The following STYXL2 variants were observed in gnomAD, a reference collection of about 807,000 sequenced individuals.
The protein encoded by STYXL2 is serine/threonine/tyrosine-interacting-like protein 2.
A neutral mutation model predicts 52.4 loss-of-function variants in STYXL2; 44 were observed. The observed-to-expected ratio is 0.84, with a 90% CI of 0.66 to 1.08. The LOEUF is 1.08. Ranked by LOEUF, STYXL2 falls within the 50% of genes least tolerant of loss-of-function variation. The pLI, the probability that STYXL2 is intolerant of heterozygous loss-of-function variation, is 0.00. For missense variants in STYXL2, 1,604 were observed against 1,471.7 expected (o/e 1.09, Z -1.47); for synonymous variants, 604 against 586.9 (o/e 1.03, Z -0.42).
chr1:167,117,586 T>G (rs965697852), intron 4 of STYXL2, 27 bp downstream of exon 4: 2 of 1,556,394 alleles, frequency 1.3e-6, no homozygotes, highest in African/African-American at 2.7e-5. Flanking sequence ...TTCATGACCC[T>G]TTGTCCTAAC....
chr1:167,128,107 C>T lies in STYXL2; in HGVS notation c.2976C>T (p.Ser992=). ...KSQSEEQDTS[S]YHEANGNSVR... ...AGTCAGAGGAACAGGACACCTCCTC[C>T]TACCACGAGGCAAATGGCAACTCTG... The change falls in exon 6 of 6, where the codon TCC becomes TCT. Residue 992 remains serine, a synonymous_variant. Transcript: ENST00000361200. 1.2e-6 allele frequency: 2 copies of T among 1,614,224 alleles called. No homozygotes were observed. The highest frequency in any genetic ancestry group is 1.7e-5 in the Admixed American group (1 of 60,030).
At chr1:167,119,001 A>C (rs1199503483) in intron 4 of STYXL2, among the ~76,000 whole-genome samples, 1 of 152,210 alleles carries the variant, frequency 6.6e-6, no homozygotes, top group Non-Finnish European at 1.5e-5. Context: ...TTCCTTACAC[A>C]TCATTTTGTT....
At chr1:167,116,730 C>A (rs1363908371) in intron 3 of STYXL2, among the ~76,000 whole-genome samples, 1 of 142,596 alleles carries the variant, frequency 7.0e-6, no homozygotes, top group Non-Finnish European at 1.5e-5. Context: ...CAGCTCACTG[C>A]AACCTCCATT....
chr1:167,104,197 C>G (rs1378293078), intron 2 of STYXL2, among the ~76,000 whole-genome samples: 1 of 147,450 alleles, frequency 6.8e-6, no homozygotes, highest in East Asian at 2.2e-4. Flanking sequence ...TCCTTCTTAG[C>G]TATTATCATC....
chr1:167,106,405 T>C (rs1410732927), intron 2 of STYXL2, among the ~76,000 whole-genome samples: 1 of 152,132 alleles, frequency 6.6e-6, no homozygotes, highest in Non-Finnish European at 1.5e-5. Flanking sequence ...GTAGGAGAAA[T>C]GTGGTGCTGT....
At chr1:167,113,890 G>T in intron 3 of STYXL2, 86 bp downstream of exon 3, 1 of 1,031,060 alleles carries the variant, frequency 9.7e-7, no homozygotes, top group South Asian at 1.3e-5. Flanking sequence ...ACGTCAATGT[G>T]CCTCTCAGGT....
chr1:167,099,223 C>G lies in STYXL2; in HGVS notation c.110+4264C>G, dbSNP rs777831213. On this transcript the variant is annotated intron_variant, in intron 2 of 5. Transcript: ENST00000361200. The stretch of plus-strand genomic sequence containing the variant: ...AAAAATTAAAAGCCACAATCTCCCT[C>G]AACTGTATGTATATTTTTTAAAACT... 5.9e-4 allele frequency among the ~76,000 whole-genome samples: 89 copies of G among 152,054 alleles called. 1 individual carries two copies. The highest frequency in any genetic ancestry group is 6.3e-4 in the Non-Finnish European group (43 of 68,020).
intron 1 of STYXL2, 42 bp from the exon 2 acceptor site, chr1:167,094,778 CAACAAAACCTCAGG>C (rs1667244884): frequency 3.9e-6 from 5 of 1,268,858 alleles, no homozygotes; most frequent in Non-Finnish European, 4.5e-6. Context: ...ACTTCTCCCC[CAACAAAACCTCAGG>C]AACCTAATTC....
rs1183531711 is a variant in STYXL2 at position 167,113,734 on chromosome 1, A to G, written c.135A>G (p.Glu45=). The G allele has an allele frequency of 6.2e-7, 1 of 1,613,892 alleles. No individual in the cohort carries two copies. Among genetic ancestry groups the G allele is most frequent in the Non-Finnish European group, 8.5e-7 (1 of 1,179,886 alleles). The part of the protein sequence containing the change: ...PSQYSMVSDA[E]TESIFMEPIH... ...GGTATTCGATGGTCTCAGATGCAGA[A>G]ACAGAAAGCATTTTCATGGAACCCA... is the stretch of plus-strand genomic sequence containing the variant. The change falls in exon 3 of 6, where the codon GAA becomes GAG. Residue 45 remains glutamate, a synonymous_variant. Coordinates refer to ENST00000361200, the MANE Select transcript of STYXL2 (RefSeq NM_001080426.3).
intron 2 of STYXL2, among the ~76,000 whole-genome samples, chr1:167,103,742 G>A (rs1299319221): frequency 3.3e-5 from 5 of 152,202 alleles, no homozygotes; most frequent in African/African-American, 1.2e-4. Flanking sequence ...AAAACCCCCT[G>A]TCAGTGGGGG....
Position 167,127,567 on chromosome 1 carries a change from C to A in STYXL2, c.2436C>A (p.Cys812Ter). Residue 812 changes from cysteine (C) to a stop codon, truncating the protein, a stop_gained, in exon 6 of 6, where the codon TGC becomes TGA. Transcript: ENST00000361200. LOFTEE classifies it high-confidence loss of function. The stretch of plus-strand genomic sequence containing the variant: ...CACTGAGCTCACCCGCGGAAAGTTG[C>A]AGAAGCAAAGTGAGGGGGACCAGCA... ...NTTLSSPAES[C>*]RSKVRGTSKP... The A allele has an allele frequency of 1.2e-6, 2 of 1,614,106 alleles. No homozygotes were observed.
At chr1:167,095,566 C>T (rs928526568) in intron 2 of STYXL2, among the ~76,000 whole-genome samples, 3 of 152,086 alleles carry the variant, frequency 2.0e-5, no homozygotes, top group East Asian at 3.9e-4. Flanking sequence ...AAATCATCGA[C>T]GTTATGTTAT....
rs146837441 is a variant in STYXL2, at chr1:167,126,833, G to A, written c.1702G>A (p.Gly568Ser). ...KKDLGAGDSSGEPGAEEAVGE... is the reference protein window; with the variant it reads ...KKDLGAGDSSSEPGAEEAVGE... ...AGACTTGGGAGCGGGAGACAGCAGC[G>A]GTGAGCCCGGTGCAGAGGAGGCAGT... Residue 568 changes from glycine to serine, a missense_variant, in exon 6 of 6, where the codon GGT becomes AGT. Coordinates refer to ENST00000361200, the MANE Select transcript of STYXL2 (RefSeq NM_001080426.3). 2.3e-4 allele frequency: 377 copies of A among 1,614,218 alleles called. 1 individual carries two copies. In the East Asian group the frequency reaches 6.3e-3, roughly 27 times the overall value.
chr1:167,112,028 T>C (rs990857481), intron 2 of STYXL2, among the ~76,000 whole-genome samples: 1 of 151,824 alleles, frequency 6.6e-6, no homozygotes, highest in Admixed American at 6.6e-5. Context: ...GAGAAAGGAG[T>C]AGCCTGTGAA....
At chr1:167,101,541 T>G (rs755201799) in intron 2 of STYXL2, among the ~76,000 whole-genome samples, 3 of 152,176 alleles carry the variant, frequency 2.0e-5, no homozygotes, top group Non-Finnish European at 4.4e-5. Context: ...CAGTGGCTCA[T>G]GTCTATAATC....
At chr1:167,122,960 C>T (rs1467894236) in intron 5 of STYXL2, among the ~76,000 whole-genome samples, 1 of 152,178 alleles carries the variant, frequency 6.6e-6, no homozygotes, top group African/African-American at 2.4e-5. Context: ...GCCACTGCAC[C>T]CAGCCTGTAC....
At chr1:167,103,049 C>T (rs561353417) in intron 2 of STYXL2, among the ~76,000 whole-genome samples, 7 of 151,538 alleles carry the variant, frequency 4.6e-5, no homozygotes, top group Non-Finnish European at 7.4e-5. Context: ...CTAGGGAAGA[C>T]TCCTTCCTTG....
chr1:167,124,109 G>A (rs1256783718), intron 5 of STYXL2, among the ~76,000 whole-genome samples: 3 of 151,180 alleles, frequency 2.0e-5, no homozygotes, highest in East Asian at 2.0e-4. Context: ...ACGAGGTTTC[G>A]CTATGTTGCC....
At chr1:167,095,003 G>C (rs768472213) in intron 2 of STYXL2, 44 bp downstream of exon 2, 1 of 1,491,520 alleles carries the variant, frequency 6.7e-7, no homozygotes, top group Non-Finnish European at 9.2e-7. Context: ...CCAGCTGGGA[G>C]GGGCTGGGGA....
Sources: allele counts gnomAD v4.1 joint callset (sites outside exome capture counted in the v4.1 genomes callset), GRCh38; gene constraint gnomAD v4.1.1; transcripts MANE v1.5; gene names NCBI Gene and HGNC (gene_info 2026-07-23, HGNC 2026-07-21).